Variants in COL5A3 observed in about 807,000 individuals in gnomAD.
COL5A3 encodes the protein collagen alpha-3(V) chain.
A neutral mutation model predicts 250.0 loss-of-function variants in COL5A3; 172 were observed. That is an observed-to-expected ratio of 0.69 (90% CI 0.61 to 0.78). The LOEUF is 0.78. COL5A3 is among the 30% of genes least tolerant of loss of function. The pLI is 0.00. For synonymous variants in COL5A3, 937 were observed against 900.4 expected, an observed-to-expected ratio of 1.04 and a Z score of -0.73; for missense variants, 2,340 against 2,334.4, an observed-to-expected ratio of 1.00 and a Z score of -0.05.
chr19:9,966,693 G>A lies in COL5A3; in HGVS notation c.4512C>T (p.Val1504=). 2 of 1,538,484 alleles carry A rather than the reference G, an allele frequency of 1.3e-6. No individual in the cohort carries two copies. The highest frequency in any genetic ancestry group is 1.2e-5 in the South Asian group (1 of 84,112). Residue 1504 remains valine (V), a synonymous_variant, in exon 63 of 67, where the codon GTC becomes GTT. Transcript: ENST00000264828. ...GLRRRRRFVP[V]PLPVVEGGLE... Reference sequence around the variant, plus strand: ...GGCCGCCCTCCACGACTGGAAGCGGGACTGGGACGAAGCGCCGGCGCCTGC... The same window carrying A: ...GGCCGCCCTCCACGACTGGAAGCGGAACTGGGACGAAGCGCCGGCGCCTGC...
chr19:9,967,791 G>T (rs1207438861), intron 61 of COL5A3, 113 bp downstream of exon 61: 3 of 1,072,222 alleles, frequency 2.8e-6, no homozygotes, highest in Non-Finnish European at 4.0e-6. Context: ...TTTGTCGAAC[G>T]CACGATTGCA....
intron 5 of COL5A3, 69 bp from the exon 6 acceptor site, chr19:10,003,783 G>A: frequency 6.3e-7 from 1 of 1,590,494 alleles, no homozygotes; most frequent in Non-Finnish European, 8.6e-7. Flanking sequence ...AGGTCACCTG[G>A]GGTGAGGCTG....
intron 8 of COL5A3, 25 bp from the exon 9 acceptor site, chr19:9,998,174 AG>A: frequency 6.3e-7 from 1 of 1,597,448 alleles, no homozygotes. Context: ...GGGGAGATGG[AG>A]AGAAAAGAGA....
Position 9,966,276 on chromosome 19 carries a change from C to T in COL5A3, c.4782+38G>A, listed in dbSNP as rs374633037. On this transcript the variant is annotated intron_variant, in intron 64 of 66. Transcript: ENST00000264828. ...TGGGTGTGGGGAGCAGGGGACAGCA[C>T]TTCCTGGGGGAGGCGATGAGAGGTT... 59 of 1,521,108 alleles carry T rather than the reference C, an allele frequency of 3.9e-5. No individual in the cohort carries two copies. The African/African-American group carries it at 7.6e-4, about 20-fold the overall frequency. The allele number at this position is 1,521,108 out of a possible 1,614,324, so 94.2% of individuals were successfully genotyped here. A position where few individuals can be genotyped will look rare whatever the true frequency, so the allele number is the denominator to read the frequency against.
In COL5A3 at chr19:9,989,166, C is replaced by T; in HGVS notation, c.2103G>A (p.Gly701=). 6.2e-7 allele frequency: 1 copy of T among 1,614,228 alleles called. No homozygotes were observed. The highest frequency in any genetic ancestry group is 8.5e-7 in the Non-Finnish European group (1 of 1,180,038). Residue 701 remains glycine, a synonymous_variant, in exon 27 of 67, where the codon GGG becomes GGA. Coordinates refer to ENST00000264828, the MANE Select transcript of COL5A3 (RefSeq NM_015719.4). The part of the protein sequence containing the change: ...TGEKGAQGPP[G]SAGPPGYPGP... Reference sequence around the variant, plus strand: ...CAGGATAGCCCGGAGGGCCTGCCGACCCTGGTGGACCCTGGGAGGAAAATA... The same window carrying T: ...CAGGATAGCCCGGAGGGCCTGCCGATCCTGGTGGACCCTGGGAGGAAAATA...
In COL5A3 at chr19:10,010,349, C is replaced by G; in HGVS notation, c.37G>C (p.Gly13Arg). 1 of 1,467,528 alleles carries G rather than the reference C, an allele frequency of 6.8e-7. No homozygotes were observed. Among genetic ancestry groups the G allele is most frequent in the Non-Finnish European group, 9.0e-7 (1 of 1,105,942 alleles). 90.9% of individuals were successfully genotyped at this position (1,467,528 alleles called of 1,614,324 possible). The change falls in exon 1 of 67, where the codon GGT (glycine) becomes CGT (arginine). Residue 13 changes from glycine (G) to arginine (R), a missense_variant. Physicochemically the swap from Gly to Arg is moderately radical, Grantham distance 125. This residue lies in a region of COL5A3 where 1,152 missense variants were observed against 1,146.3 expected (regional missense o/e 1.00). Transcript: ENST00000264828. ...NRRDLGQPRAGLCLLLAALQL... is the reference protein window; with the variant it reads ...NRRDLGQPRARLCLLLAALQL... ...AGCGCGGCCAGGAGCAGGCAGAGAC[C>G]GGCCCGCGGCTGGCCCAGGTCCCGG...
At chr19:9,999,314 C>T (rs564738590) in intron 8 of COL5A3, among the ~76,000 whole-genome samples, 276 of 151,852 alleles carry the variant, frequency 1.8e-3, no homozygotes, top group Non-Finnish European at 3.0e-3. Context: ...TCCTCAGCCT[C>T]CTGAGTAGCT....
chr19:9,961,767 C>A (rs2086676564), intron 65 of COL5A3, among the ~76,000 whole-genome samples: 2 of 151,992 alleles, frequency 1.3e-5, no homozygotes, highest in African/African-American at 2.4e-5. Context: ...ACCATGTTAG[C>A]CAGGATGGTC....
chr19:9,996,201 C>T lies in COL5A3; in HGVS notation c.1479+5G>A. On this transcript the variant is annotated splice_donor_5th_base_variant and intron_variant, in intron 14 of 66. Coordinates refer to ENST00000264828, the MANE Select transcript of COL5A3 (RefSeq NM_015719.4). ...CCGCCCCCTCCACGCAGTCGCCTTA[C>T]TCACCACAGGGCCTGGGCGCCCAGT... is the stretch of plus-strand genomic sequence containing the variant. The T allele has an allele frequency of 1.3e-6, 2 of 1,568,804 alleles. No homozygotes were observed. Among genetic ancestry groups the T allele is most frequent in the Non-Finnish European group, 1.7e-6 (2 of 1,159,606 alleles).
Position 9,968,349 on chromosome 19 carries a change from C to A in COL5A3, c.4314+36G>T. ...CAGTCTCTCAACCGACCCCCTCCTT[C>A]AAATGCATTCTTCCCGCTCAGGTCA... On this transcript the variant is annotated intron_variant, in intron 59 of 66. Coordinates refer to ENST00000264828, the MANE Select transcript of COL5A3 (RefSeq NM_015719.4). The surrounding 1 kb of genome is among the most constrained non-coding windows in gnomAD (Gnocchi z 4.1). The A allele has an allele frequency of 1.6e-5, 23 of 1,464,628 alleles. No homozygotes were observed. Among genetic ancestry groups the A allele is most frequent in the Non-Finnish European group, 2.0e-5 (21 of 1,056,102 alleles). The allele number at this position is 1,464,628 out of a possible 1,614,324, so 90.7% of individuals were successfully genotyped here.
intron 31 of COL5A3, among the ~76,000 whole-genome samples, chr19:9,983,608 G>GAAAGAA (rs1568418887): frequency 1.8e-4 from 18 of 100,626 alleles, no homozygotes; most frequent in African/African-American, 2.8e-4. Flanking sequence ...AAGAGAAAGA[G>GAAAGAA]AGAGAGAGAG....
chr19:10,007,634 C>T (rs1380281240), intron 1 of COL5A3, among the ~76,000 whole-genome samples: 2 of 152,180 alleles, frequency 1.3e-5, no homozygotes, highest in Non-Finnish European at 2.9e-5. Context: ...GCTGGATTCT[C>T]CAGAATCTGC....
intron 31 of COL5A3, among the ~76,000 whole-genome samples, chr19:9,982,876 G>A (rs188786617): frequency 2.6e-4 from 40 of 152,212 alleles, no homozygotes; most frequent in South Asian, 8.3e-4. Context: ...ATTTTTAAGA[G>A]ACAGAGTCTC....
chr19:9,971,073 T>C, intron 52 of COL5A3, 45 bp from the exon 53 acceptor site: 1 of 1,479,222 alleles, frequency 6.8e-7, no homozygotes, highest in Non-Finnish European at 9.0e-7. Context: ...TGAGGGTACG[T>C]GAGAATTTGG....
At chr19:9,976,453 T>C (rs1057225418) in intron 45 of COL5A3, 105 bp downstream of exon 45, 1 of 804,936 alleles carries the variant, frequency 1.2e-6, no homozygotes, top group Admixed American at 3.4e-5. Flanking sequence ...AGATCAGGGT[T>C]GGGTTTGAGG....
intron 27 of COL5A3, 83 bp from the exon 28 acceptor site, chr19:9,986,841 C>A: frequency 2.0e-6 from 3 of 1,482,668 alleles, no homozygotes; most frequent in Non-Finnish European, 2.8e-6. Context: ...CTAAAGCAGC[C>A]AGGATAGTCC....
chr19:9,989,154 A>G lies in COL5A3; in HGVS notation c.2115T>C (p.Pro705=), dbSNP rs772307862. The change falls in exon 27 of 67, where the codon CCT becomes CCC. Residue 705 remains proline (P), a synonymous_variant. Coordinates refer to ENST00000264828, the MANE Select transcript of COL5A3 (RefSeq NM_015719.4). ...CTCCCCGAGGTCCAGGATAGCCCGG[A>G]GGGCCTGCCGACCCTGGTGGACCCT... is the stretch of plus-strand genomic sequence containing the variant. ...GAQGPPGSAG[P]PGYPGPRGVK... 6.2e-7 allele frequency: 1 copy of G among 1,614,178 alleles called. No individual in the cohort carries two copies. The highest frequency in any genetic ancestry group is 1.7e-5 in the Admixed American group (1 of 60,014).
At chr19:10,003,200 C>T (rs1407482137) in intron 6 of COL5A3, among the ~76,000 whole-genome samples, 1 of 152,158 alleles carries the variant, frequency 6.6e-6, no homozygotes, top group Non-Finnish European at 1.5e-5. Flanking sequence ...ACACGTCATT[C>T]AACCCAGCCA....
At chr19:10,006,396 AC>A (rs928339673) in intron 1 of COL5A3, among the ~76,000 whole-genome samples, 165 bp from the exon 2 acceptor site, 1 of 148,766 alleles carries the variant, frequency 6.7e-6, no homozygotes, top group East Asian at 2.0e-4. Flanking sequence ...GGCCCCCAGC[AC>A]CCCCCGCCTC....
Sources: allele counts gnomAD v4.1 joint callset (sites outside exome capture counted in the v4.1 genomes callset), GRCh38; gene constraint gnomAD v4.1.1; regional missense constraint gnomAD v4.1.1; non-coding constraint Gnocchi (gnomAD v3.1); transcripts MANE v1.5; gene names NCBI Gene and HGNC (gene_info 2026-07-23, HGNC 2026-07-21).